Variants in SORCS2 observed in about 807,000 individuals in gnomAD.
SORCS2 encodes the protein sortilin related VPS10 domain containing receptor 2, also known as VPS10 domain-containing receptor SorCS2.
A neutral mutation model predicts 141.6 loss-of-function variants in SORCS2; 100 were observed. The ratio of observed to expected loss-of-function variants is 0.71; its 90% confidence interval spans 0.60 to 0.83. The LOEUF is 0.83. Ranked by LOEUF, SORCS2 falls within the 40% of genes least tolerant of loss-of-function variation. The pLI, the probability that SORCS2 is intolerant of heterozygous loss-of-function variation, is 0.00. For synonymous variants in SORCS2, 789 were observed against 676.9 expected (o/e 1.17, Z -2.57); for missense variants, 1,646 against 1,560.2 (o/e 1.05, Z -0.93).
intron 2 of SORCS2, among the ~76,000 whole-genome samples, chr4:7,510,635 C>T (rs1178976505): frequency 6.9e-6 from 1 of 145,396 alleles, no homozygotes; most frequent in Non-Finnish European, 1.5e-5. Context: ...CCGGGGCCGG[C>T]GCCTTGTTCT....
chr4:7,622,751 G>A (rs4689801), intron 3 of SORCS2, among the ~76,000 whole-genome samples: 68,977 of 152,014 alleles, frequency 0.45, 16,127 homozygotes, highest in East Asian at 0.66. Flanking sequence ...TCAGGTCACA[G>A]TGGCCTCCAC....
At chr4:7,441,664 G>A (rs1727675234) in intron 2 of SORCS2, among the ~76,000 whole-genome samples, 2 of 143,620 alleles carry the variant, frequency 1.4e-5, no homozygotes, top group African/African-American at 5.3e-5. Flanking sequence ...CCCTAGCCCA[G>A]ATCACCCTCC....
intron 2 of SORCS2, among the ~76,000 whole-genome samples, chr4:7,472,926 AAAAC>A (rs1394588737): frequency 2.6e-5 from 4 of 151,848 alleles, no homozygotes; most frequent in African/African-American, 9.7e-5. Context: ...CATAAAAAAA[AAAAC>A]AAAATAGCCC....
At chr4:7,377,313 G>A (rs1222690857) in intron 1 of SORCS2, among the ~76,000 whole-genome samples, 1 of 151,628 alleles carries the variant, frequency 6.6e-6, no homozygotes, top group Non-Finnish European at 1.5e-5. Flanking sequence ...TTCGAATGTT[G>A]ACAAGCAGAT....
At chr4:7,632,519 G>C (rs894716752) in intron 3 of SORCS2, among the ~76,000 whole-genome samples, 32 of 152,064 alleles carry the variant, frequency 2.1e-4, no homozygotes, top group Admixed American at 5.2e-4. Flanking sequence ...CTCCCAACTC[G>C]GCACCAAAAA....
chr4:7,571,302 C>T (rs1560395233), intron 3 of SORCS2, among the ~76,000 whole-genome samples: 1 of 152,198 alleles, frequency 6.6e-6, no homozygotes, highest in African/African-American at 2.4e-5. Context: ...GCTGGAGAAG[C>T]AGGACCCCTG....
chr4:7,569,861 C>G (rs559054568), intron 3 of SORCS2, among the ~76,000 whole-genome samples: 3 of 152,344 alleles, frequency 2.0e-5, no homozygotes, highest in African/African-American at 7.2e-5. Flanking sequence ...AAATAAATGT[C>G]CTTCGGAGCC....
intron 8 of SORCS2, among the ~76,000 whole-genome samples, chr4:7,675,274 G>A (rs1723039814): frequency 6.6e-6 from 1 of 152,196 alleles, no homozygotes; most frequent in African/African-American, 2.4e-5. Context: ...AGTGGAAACC[G>A]AGGCTGGGGA....
chr4:7,435,024 G>C, intron 2 of SORCS2: 1 of 1,011,572 alleles, frequency 9.9e-7, no homozygotes, highest in South Asian at 1.7e-5. Flanking sequence ...CCTGTGCCCG[G>C]GGATTCCTGG....
chr4:7,435,019 G>T, intron 2 of SORCS2: 1 of 1,071,936 alleles, frequency 9.3e-7, no homozygotes, highest in Non-Finnish European at 1.3e-6. Context: ...CACACCCTGT[G>T]CCCGGGGATT....
intron 14 of SORCS2, among the ~76,000 whole-genome samples, chr4:7,710,562 C>A (rs865966893): frequency 2.0e-5 from 3 of 152,300 alleles, no homozygotes; most frequent in Middle Eastern, 3.4e-3. Flanking sequence ...ACCAATGCCC[C>A]AGGCATTGTT....
chr4:7,574,896 G>A (rs1236625680), intron 3 of SORCS2, among the ~76,000 whole-genome samples: 4 of 152,156 alleles, frequency 2.6e-5, no homozygotes, highest in African/African-American at 7.2e-5. Context: ...TCTTTACACC[G>A]CCCATTCTGC....
chr4:7,312,043 T>C (rs191616421), intron 1 of SORCS2, among the ~76,000 whole-genome samples: 1 of 151,954 alleles, frequency 6.6e-6, no homozygotes, highest in Admixed American at 6.5e-5. Flanking sequence ...AGCCAGCTAA[T>C]GTTTTGTATT....
At chr4:7,405,993 T>C (rs1005527305) in intron 2 of SORCS2, among the ~76,000 whole-genome samples, 1 of 152,092 alleles carries the variant, frequency 6.6e-6, no homozygotes, top group Non-Finnish European at 1.5e-5. Flanking sequence ...ATAGCCTTTA[T>C]TATTTTGGAG....
At chr4:7,542,758 T>A (rs1281611649) in intron 3 of SORCS2, among the ~76,000 whole-genome samples, 1 of 152,224 alleles carries the variant, frequency 6.6e-6, no homozygotes, top group South Asian at 2.1e-4. Flanking sequence ...ATCAGCGATG[T>A]GGTTGCCCAG....
chr4:7,246,368 A>G (rs1223645296), intron 1 of SORCS2, among the ~76,000 whole-genome samples: 2 of 152,070 alleles, frequency 1.3e-5, no homozygotes, highest in African/African-American at 4.8e-5. Context: ...GATCTCACCC[A>G]GGGCTTAAAT....
intron 1 of SORCS2, among the ~76,000 whole-genome samples, chr4:7,344,830 C>T (rs979827053): frequency 1.3e-5 from 2 of 152,214 alleles, no homozygotes; most frequent in Non-Finnish European, 2.9e-5. Context: ...CACTGTTTAT[C>T]CTTGAAAACA....
At chr4:7,535,346 G>A (rs983325545) in intron 3 of SORCS2, among the ~76,000 whole-genome samples, 8 of 152,208 alleles carry the variant, frequency 5.3e-5, no homozygotes, top group South Asian at 4.1e-4. Flanking sequence ...GGAGTGCAGC[G>A]GATGTGGGGC....
chr4:7,278,203 CA>C (rs1235915085), intron 1 of SORCS2, among the ~76,000 whole-genome samples: 4 of 151,242 alleles, frequency 2.6e-5, no homozygotes, highest in Admixed American at 2.0e-4. Context: ...TGTAAGTCCC[CA>C]CCTGGTGGGA....
Sources: gnomAD v4.1 joint callset for allele counts (sites outside exome capture counted in the v4.1 genomes callset) on GRCh38, gnomAD v4.1.1 for gene constraint, MANE v1.5 for transcripts, NCBI Gene and HGNC (gene_info 2026-07-23, HGNC 2026-07-21) for gene names.